The following NPAS3 variants were observed in gnomAD, a reference collection of about 807,000 sequenced individuals.
NPAS3 encodes the protein neuronal PAS domain protein 3.
In NPAS3, 14 loss-of-function variants were observed where a neutral mutation model predicts 73.1. The observed-to-expected ratio is 0.19, with a 90% confidence interval of 0.13 to 0.30. NPAS3 has a LOEUF of 0.30. NPAS3 is among the 10% of genes least tolerant of loss of function. The probability of loss-of-function intolerance (pLI) is 1.00; values close to 1 mark genes in which losing one functional copy is unlikely to be tolerated. For synonymous variants in NPAS3, 620 were observed against 541.5 expected, an observed-to-expected ratio of 1.14 and a Z score of -2.01; for missense variants, 1,096 against 1,250.0, an observed-to-expected ratio of 0.88 and a Z score of 1.86.
intron 4 of NPAS3, among the ~76,000 whole-genome samples, chr14:33,454,042 C>T (rs960853632): frequency 6.6e-5 from 10 of 151,906 alleles, no homozygotes; most frequent in Non-Finnish European, 1.5e-4. Flanking sequence ...CCCTTTTTGC[C>T]CTGGCTGCCA....
At chr14:33,051,992 C>G (rs982085245) in intron 1 of NPAS3, among the ~76,000 whole-genome samples, 4 of 152,168 alleles carry the variant, frequency 2.6e-5, no homozygotes, top group African/African-American at 9.7e-5. Flanking sequence ...ATCTCCTGAC[C>G]TCATGATCCA....
intron 5 of NPAS3, among the ~76,000 whole-genome samples, chr14:33,671,679 T>C (rs7141612): frequency 0.68 from 103,741 of 152,102 alleles, 35,637 homozygotes; most frequent in African/African-American, 0.78. Flanking sequence ...TGTAATACAC[T>C]AAGCAACGTG....
At chr14:33,538,689 C>T (rs979037715) in intron 4 of NPAS3, among the ~76,000 whole-genome samples, 2 of 152,256 alleles carry the variant, frequency 1.3e-5, no homozygotes, top group African/African-American at 2.4e-5. Context: ...AGTGGCATCC[C>T]GTTTCTCCTC....
intron 1 of NPAS3, among the ~76,000 whole-genome samples, chr14:33,009,002 T>C (rs796338280): frequency 9.2e-5 from 14 of 152,306 alleles, no homozygotes; most frequent in African/African-American, 3.4e-4. Flanking sequence ...TTTAGCATCA[T>C]ATTGTTTTAA....
chr14:33,553,416 C>T (rs1030929674), intron 4 of NPAS3, among the ~76,000 whole-genome samples: 2 of 152,202 alleles, frequency 1.3e-5, no homozygotes, highest in African/African-American at 4.8e-5. Context: ...TGGCTCTTAA[C>T]TGTTTTCTCA....
intron 4 of NPAS3, among the ~76,000 whole-genome samples, chr14:33,369,806 C>T (rs182882734): frequency 6.6e-6 from 1 of 152,288 alleles, no homozygotes; most frequent in African/African-American, 2.4e-5. Flanking sequence ...CTTAAGCTAT[C>T]TTATTAGTTG....
At chr14:33,697,782 C>T (rs13379162) in intron 6 of NPAS3, among the ~76,000 whole-genome samples, 48,405 of 152,042 alleles carry the variant, frequency 0.32, 8,355 homozygotes, top group African/African-American at 0.47. Flanking sequence ...TAGACTTCCA[C>T]ATTAATCATG....
At chr14:33,201,196 C>T (rs901214831) in intron 2 of NPAS3, among the ~76,000 whole-genome samples, 1 of 152,178 alleles carries the variant, frequency 6.6e-6, no homozygotes, top group Non-Finnish European at 1.5e-5. Flanking sequence ...GCTAGTAAAG[C>T]TCAAATACTA....
intron 3 of NPAS3, among the ~76,000 whole-genome samples, chr14:33,304,177 G>C (rs1466108296): frequency 6.6e-6 from 1 of 152,182 alleles, no homozygotes; most frequent in African/African-American, 2.4e-5. Flanking sequence ...TAGTTGCTCT[G>C]TTAACAGATT....
At chr14:33,054,546 TGG>T (rs202229755) in intron 1 of NPAS3, among the ~76,000 whole-genome samples, 1,928 of 152,164 alleles carry the variant, frequency 0.013, 16 homozygotes, top group Middle Eastern at 0.02. Context: ...CTTAATATGT[TGG>T]GCTTTATGAA....
chr14:33,292,933 C>G (rs542718667), intron 3 of NPAS3, among the ~76,000 whole-genome samples: 1 of 152,218 alleles, frequency 6.6e-6, no homozygotes, highest in East Asian at 1.9e-4. Flanking sequence ...TTACTAGAAT[C>G]AATGGGGAGG....
intron 1 of NPAS3, among the ~76,000 whole-genome samples, chr14:33,020,766 C>CTTT (rs538841125): frequency 1.8e-4 from 27 of 146,328 alleles, no homozygotes; most frequent in African/African-American, 5.7e-4. Flanking sequence ...GTTTTTGTTT[C>CTTT]TTTTTTTTTT....
chr14:33,034,958 A>G (rs2040116021), intron 1 of NPAS3, among the ~76,000 whole-genome samples: 1 of 152,204 alleles, frequency 6.6e-6, no homozygotes, highest in Non-Finnish European at 1.5e-5. Context: ...ATCATCTGTC[A>G]GTTTATAAGA....
At chr14:33,511,536 T>G (rs1200318998) in intron 4 of NPAS3, among the ~76,000 whole-genome samples, 1 of 152,096 alleles carries the variant, frequency 6.6e-6, no homozygotes, top group African/African-American at 2.4e-5. Context: ...TGGTGACATT[T>G]TTGGCATGTG....
At chr14:33,372,725 G>T (rs767438150) in intron 4 of NPAS3, among the ~76,000 whole-genome samples, 1 of 152,300 alleles carries the variant, frequency 6.6e-6, no homozygotes, top group South Asian at 2.1e-4. Flanking sequence ...GCCCTAGTGG[G>T]CCTGAATCAA....
At chr14:33,404,240 GTTGCTATACT>G (rs2047567460) in intron 4 of NPAS3, among the ~76,000 whole-genome samples, 1 of 152,106 alleles carries the variant, frequency 6.6e-6, no homozygotes, top group Non-Finnish European at 1.5e-5. Flanking sequence ...TGAACTTCTT[GTTGCTATACT>G]ACGTGTGGTA....
chr14:33,178,085 T>C (rs1171927614), intron 2 of NPAS3, among the ~76,000 whole-genome samples: 1 of 149,036 alleles, frequency 6.7e-6, no homozygotes, highest in East Asian at 2.0e-4. Flanking sequence ...TTTTGTTTTT[T>C]TTTTTTTGGA....
At chr14:33,688,151 T>C (rs2060140538) in intron 6 of NPAS3, among the ~76,000 whole-genome samples, 1 of 152,226 alleles carries the variant, frequency 6.6e-6, no homozygotes, top group Non-Finnish European at 1.5e-5. Flanking sequence ...GTCACTGAGG[T>C]TTGGTGTACA....
intron 4 of NPAS3, among the ~76,000 whole-genome samples, chr14:33,390,347 C>T (rs1192781234): frequency 1.3e-5 from 2 of 151,914 alleles, no homozygotes; most frequent in African/African-American, 2.4e-5. Context: ...TGCCTCCCTG[C>T]CAAAAACAGC....
Sources: allele counts gnomAD v4.1 joint callset (sites outside exome capture counted in the v4.1 genomes callset), GRCh38; gene constraint gnomAD v4.1.1; transcripts MANE v1.5; gene names NCBI Gene and HGNC (gene_info 2026-07-23, HGNC 2026-07-21).